Variants in TTC6 observed in about 807,000 individuals in gnomAD.
The protein encoded by TTC6 is tetratricopeptide repeat domain 6.
A neutral mutation model predicts 210.4 loss-of-function variants in TTC6; 172 were observed. The observed-to-expected ratio is 0.82, with a 90% CI of 0.72 to 0.93. TTC6 has a LOEUF of 0.93. TTC6 is among the 40% of genes least tolerant of loss of function. The probability of loss-of-function intolerance (pLI) is 0.00; values close to 1 mark genes in which losing one functional copy is unlikely to be tolerated. For synonymous variants in TTC6, 804 were observed against 819.6 expected (o/e 0.98, Z 0.32); for missense variants, 2,414 against 2,318.1 (o/e 1.04, Z -0.85).
intron 2 of TTC6, among the ~76,000 whole-genome samples, chr14:37,614,066 CT>C (rs1383472173): frequency 6.6e-6 from 1 of 151,938 alleles, no homozygotes; most frequent in Non-Finnish European, 1.5e-5. Flanking sequence ...GACCTTTCTT[CT>C]TTTTGATTTC....
chr14:37,622,909 CCT>C lies in TTC6; in HGVS notation c.850_851del (p.Leu284AlafsTer50), dbSNP rs1323160721. On this transcript the variant is annotated frameshift_variant, in exon 1 of 31. Transcript: ENST00000553443. LOFTEE classifies it high-confidence loss of function. ...CCCACGTCCATCGAAGAGATCATCG[CCT>C]CTCTGCAGTCCGAGGCCCAGCTGGC... 6.5e-7 allele frequency: 1 copy of C among 1,534,796 alleles called. No individual in the cohort carries two copies. Among genetic ancestry groups the C allele is most frequent in the African/African-American group, 1.4e-5 (1 of 73,032 alleles).
chr14:37,772,159 G>A (rs1249569906), intron 14 of TTC6, among the ~76,000 whole-genome samples: 4 of 152,300 alleles, frequency 2.6e-5, no homozygotes, highest in African/African-American at 7.2e-5. Flanking sequence ...CAGTCTGCCC[G>A]TTCTCAGATC....
chr14:37,608,286 T>TG (rs1555377850), intron 2 of TTC6, among the ~76,000 whole-genome samples: 94 of 151,204 alleles, frequency 6.2e-4, no homozygotes, highest in South Asian at 1.7e-3. Context: ...CAAGTTTTTT[T>TG]TGTGTGTGTG....
At chr14:37,704,206 G>T (rs1364451038) in intron 5 of TTC6, among the ~76,000 whole-genome samples, 1 of 152,054 alleles carries the variant, frequency 6.6e-6, no homozygotes, top group African/African-American at 2.4e-5. Flanking sequence ...AGCCTCCTGA[G>T]TAGCACTAGG....
At chr14:37,700,750 CA>C (rs35091344) in intron 4 of TTC6, among the ~76,000 whole-genome samples, 14,682 of 60,502 alleles carry the variant, frequency 0.24, 288 homozygotes, top group South Asian at 0.33. Flanking sequence ...CTCCATCTCA[CA>C]AAAAAAAAAA....
chr14:37,796,882 A>T, exon 20 of TTC6: 1 of 1,611,130 alleles, frequency 6.2e-7, no homozygotes, highest in South Asian at 1.1e-5. Flanking sequence ...AATCAGCTGG[A>T]ATAGAGCTGA....
chr14:37,753,196 C>T lies in TTC6; in HGVS notation c.3227C>T (p.Thr1076Ile), dbSNP rs1222141621. Residue 1076 changes from threonine (T) to isoleucine (I), a missense_variant, in exon 14 of 31, where the codon ACA becomes ATA. Coordinates refer to ENST00000553443, the Ensembl canonical transcript of TTC6. ...TGGTTTGCAGCCATAGAGGATTTTACAGCCTTGTTAAATATAGATCACCAA... is the reference window on the plus strand; with the variant it reads ...TGGTTTGCAGCCATAGAGGATTTTATAGCCTTGTTAAATATAGATCACCAA... The T allele has an allele frequency of 6.5e-6, 10 of 1,535,110 alleles. No individual in the cohort carries two copies. The Admixed American group carries it at 1.2e-4, about 18-fold the overall frequency.
chr14:37,623,923 CAAAG>C (rs371628650), intron 1 of TTC6, among the ~76,000 whole-genome samples: 79 of 152,002 alleles, frequency 5.2e-4, no homozygotes, highest in Middle Eastern at 3.4e-3. Flanking sequence ...GCCCCAAACC[CAAAG>C]AAAGAAAGAA....
At chr14:37,746,517 T>C (rs1322770640) in intron 10 of TTC6, among the ~76,000 whole-genome samples, 1 of 152,194 alleles carries the variant, frequency 6.6e-6, no homozygotes, top group Non-Finnish European at 1.5e-5. Flanking sequence ...TCAAAATCTG[T>C]ATTTTTAACA....
intron 23 of TTC6, 31 bp downstream of exon 25, chr14:37,807,491 AT>A (rs2096121174): frequency 7.0e-7 from 1 of 1,437,534 alleles, no homozygotes. Context: ...GTTTACCGAA[AT>A]TTTAGGGTGG....
At chr14:37,782,038 T>C (rs904400566) in intron 14 of TTC6, among the ~76,000 whole-genome samples, 2 of 152,176 alleles carry the variant, frequency 1.3e-5, no homozygotes, top group Non-Finnish European at 2.9e-5. Context: ...AGCCTTGTAG[T>C]ATAGTTTGAA....
chr14:37,634,341 A>G (rs2095675823), intron 1 of TTC6, among the ~76,000 whole-genome samples: 1 of 152,224 alleles, frequency 6.6e-6, no homozygotes, highest in South Asian at 2.1e-4. Context: ...TAACTGAAAT[A>G]AAAACTCAGC....
chr14:37,783,647 C>A (rs996275738), intron 14 of TTC6, among the ~76,000 whole-genome samples: 1 of 151,954 alleles, frequency 6.6e-6, no homozygotes, highest in African/African-American at 2.4e-5. Flanking sequence ...CTGCTCTGAT[C>A]TTAGTTATTT....
chr14:37,710,185 A>G (rs923080010), intron 5 of TTC6, among the ~76,000 whole-genome samples: 4 of 152,162 alleles, frequency 2.6e-5, no homozygotes, highest in African/African-American at 9.7e-5. Flanking sequence ...TGTATACCAA[A>G]GAGCAAGATA....
At chr14:37,760,235 C>CT (rs139827183) in intron 14 of TTC6, among the ~76,000 whole-genome samples, 25,174 of 152,048 alleles carry the variant, frequency 0.17, 2,550 homozygotes, top group South Asian at 0.3. Flanking sequence ...TGTTTGTTAG[C>CT]TTTTCTTCTA....
intron 29 of TTC6, among the ~76,000 whole-genome samples, chr14:37,829,458 T>C (rs1335001057): frequency 6.6e-6 from 1 of 152,062 alleles, no homozygotes; most frequent in Non-Finnish European, 1.5e-5. Context: ...TTAATACTCT[T>C]AGTTTAGTTT....
chr14:37,840,638 T>G (rs559454263), intron 29 of TTC6, among the ~76,000 whole-genome samples: 1 of 152,244 alleles, frequency 6.6e-6, no homozygotes, highest in East Asian at 1.9e-4. Flanking sequence ...ATCAAAAAAC[T>G]TATCCACACA....
At chr14:37,786,330 C>T (rs1318041180) in intron 14 of TTC6, among the ~76,000 whole-genome samples, 2 of 152,190 alleles carry the variant, frequency 1.3e-5, no homozygotes, top group Non-Finnish European at 2.9e-5. Context: ...CAATGGCAGC[C>T]GCCCCTCACC....
At chr14:37,654,700 G>T (rs1385344090) in intron 1 of TTC6, among the ~76,000 whole-genome samples, 1 of 152,116 alleles carries the variant, frequency 6.6e-6, no homozygotes, top group Non-Finnish European at 1.5e-5. Flanking sequence ...TAGAAGAACT[G>T]ACAGAATTAT....
Sources: gnomAD v4.1 joint callset for allele counts (sites outside exome capture counted in the v4.1 genomes callset) on GRCh38, gnomAD v4.1.1 for gene constraint, MANE v1.5 for transcripts, NCBI Gene and HGNC (gene_info 2026-07-23, HGNC 2026-07-21) for gene names.